Variants in PLAAT2 observed in about 807,000 individuals in gnomAD.
PLAAT2 encodes the protein HRAS like suppressor 2.
PLAAT2 carries 12 observed loss-of-function variants against 12.8 expected under a neutral mutation model. The observed-to-expected ratio is 0.94, with a 90% CI of 0.60 to 1.52. The LOEUF is 1.52. PLAAT2 is among the 40% of genes most tolerant of loss of function. The pLI, the probability that PLAAT2 is intolerant of heterozygous loss-of-function variation, is 0.00. For missense variants in PLAAT2, 166 were observed against 208.1 expected, an observed-to-expected ratio of 0.80 and a Z score of 1.24; for synonymous variants, 79 against 86.8, an observed-to-expected ratio of 0.91 and a Z score of 0.50.
intron 3 of PLAAT2, among the ~76,000 whole-genome samples, chr11:63,555,531 GA>G (rs1186638451): frequency 1.3e-5 from 2 of 152,072 alleles, no homozygotes; most frequent in East Asian, 3.9e-4. Flanking sequence ...CTACAAAAAA[GA>G]AATACAAAAA....
chr11:63,558,776 C>T, intron 2 of PLAAT2, 116 bp from the exon 3 acceptor site: 1 of 1,271,938 alleles, frequency 7.9e-7, no homozygotes, highest in South Asian at 1.4e-5. Context: ...AGGACTTGTC[C>T]ATCCTGCCTG....
rs1451348406 is a variant in PLAAT2 at position 63,553,051 on chromosome 11, G to A, written c.402C>T (p.Val134=). The A allele has an allele frequency of 5.6e-6, 9 of 1,612,750 alleles. No homozygotes were observed. In the East Asian group the frequency reaches 1.8e-4, roughly 32 times the overall value. ...VSRSDQVTGA[V]TTVGVAAGLL... ...GGCCTGCTGCCACACCTACTGTCGT[G>A]ACTGCACCAGTGACCTGCAGCAGAA... The change falls in exon 4 of 4, where the codon GTC becomes GTT. Residue 134 remains valine (V), a synonymous_variant. Coordinates refer to ENST00000255695, the MANE Select transcript of PLAAT2 (RefSeq NM_017878.2).
chr11:63,562,967 G>C (rs2017531523), intron 1 of PLAAT2, among the ~76,000 whole-genome samples: 1 of 152,212 alleles, frequency 6.6e-6, no homozygotes, highest in South Asian at 2.1e-4. Context: ...GGCGGCCTGT[G>C]GGGTAAACCA....
upstream of PLAAT2, among the ~76,000 whole-genome samples, chr11:63,563,829 C>A (rs1371988564): frequency 1.3e-5 from 2 of 151,716 alleles, no homozygotes; most frequent in Non-Finnish European, 2.9e-5. Context: ...TGAAAATCAG[C>A]CAGACAGAAG....
At chr11:63,555,228 G>T (rs1002936189) in intron 3 of PLAAT2, among the ~76,000 whole-genome samples, 2 of 152,260 alleles carry the variant, frequency 1.3e-5, no homozygotes, top group African/African-American at 2.4e-5. Flanking sequence ...CTTGAGGAAG[G>T]CACTTCAGAG....
Position 63,558,549 on chromosome 11 carries a change from T to C in PLAAT2, c.230A>G (p.Asn77Ser). 1.2e-6 allele frequency: 2 copies of C among 1,614,272 alleles called. No individual in the cohort carries two copies. Among genetic ancestry groups the C allele is most frequent in the African/African-American group, 2.7e-5 (2 of 75,076 alleles). The change falls in exon 3 of 4, where the codon AAT (asparagine) becomes AGT (serine). Residue 77 changes from asparagine to serine, a missense_variant. Transcript: ENST00000255695. ...VVAGGDNYRV[N>S]NKHDDRYTPL... is the part of the protein sequence containing the mutation. ...TGTGTATCTGTCATCGTGCTTGTTA[T>C]TGACCCTGTAGTTGTCTCCCCCAGC... is the stretch of plus-strand genomic sequence containing the variant.
rs544591129 is a variant in PLAAT2 at position 63,552,966 on chromosome 11, A to G, written c.487T>C (p.Ter163GlnextTer27). 3.7e-6 allele frequency: 6 copies of G among 1,610,616 alleles called. No individual in the cohort carries two copies. The highest frequency in any genetic ancestry group is 2.7e-5 in the African/African-American group (2 of 74,974). Residue 163 changes from the stop codon to glutamine, a stop_lost, in exon 4 of 4, where the codon TAA becomes CAA. Coordinates refer to ENST00000255695, the MANE Select transcript of PLAAT2 (RefSeq NM_017878.2). ...GTTGTTGGGACAATTTCTTGGATTT[A>G]TTGCCTTTCCCGCTTGCTTCTGGCC... ...LLARSKRERQ[*>Q]
upstream of PLAAT2, among the ~76,000 whole-genome samples, chr11:63,564,133 C>G (rs1271503311): frequency 6.6e-6 from 1 of 152,190 alleles, no homozygotes; most frequent in Non-Finnish European, 1.5e-5. Flanking sequence ...AGGCACATTC[C>G]TCTACCCTGG....
At position 63,552,917 on chromosome 11, in the gene PLAAT2, A is replaced by C. The variant is rs1176787180; in HGVS notation, c.*47T>G. The stretch of plus-strand genomic sequence containing the variant: ...CAAACTCCACTCCTGCTGGCTAAAT[A>C]ATATTCCTCCGTAAGAATTGGTGGT... On this transcript the variant is annotated 3_prime_UTR_variant, in exon 4 of 4. Coordinates refer to ENST00000255695, the MANE Select transcript of PLAAT2 (RefSeq NM_017878.2). The C allele has an allele frequency of 1.6e-6, 2 of 1,288,482 alleles. No homozygotes were observed. Among genetic ancestry groups the C allele is most frequent in the Non-Finnish European group, 2.3e-6 (2 of 884,608 alleles). 79.8% of individuals were successfully genotyped at this position (1,288,482 alleles called of 1,614,324 possible). A position where few individuals can be genotyped will look rare whatever the true frequency, so the allele number is the denominator to read the frequency against.
In PLAAT2 at chr11:63,558,611, G is replaced by A. The variant is rs780851431; in HGVS notation, c.168C>T (p.Asn56=). The A allele has an allele frequency of 1.9e-6, 3 of 1,614,226 alleles. No homozygotes were observed. The highest frequency in any genetic ancestry group is 1.1e-5 in the South Asian group (1 of 91,090). The change falls in exon 3 of 4, where the codon AAC becomes AAT. Residue 56 remains asparagine, a synonymous_variant. Transcript: ENST00000255695. ...GAASVLSALT[N]KAIVKKELLS... The stretch of plus-strand genomic sequence containing the variant: ...GCAGTTCCTTCTTCACTATGGCTTT[G>A]TTGGTCAGGGCAGACAGGACACTGG...
chr11:63,562,520 T>C (rs1412258324), intron 1 of PLAAT2, among the ~76,000 whole-genome samples: 2 of 152,250 alleles, frequency 1.3e-5, no homozygotes, highest in African/African-American at 4.8e-5. Flanking sequence ...TGGAATTAAA[T>C]ACATTCTTTC....
In PLAAT2 at chr11:63,552,906, G is replaced by T; in HGVS notation, c.*58C>A. ...AATCAGTAAACCAAACTCCACTCCTGCTGGCTAAATAATATTCCTCCGTAA... is the reference window on the plus strand; with the variant it reads ...AATCAGTAAACCAAACTCCACTCCTTCTGGCTAAATAATATTCCTCCGTAA... On this transcript the variant is annotated 3_prime_UTR_variant, in exon 4 of 4. Transcript: ENST00000255695. 1 of 1,182,552 alleles carries T rather than the reference G, an allele frequency of 8.5e-7. No individual in the cohort carries two copies. Among genetic ancestry groups the T allele is most frequent in the Non-Finnish European group, 1.3e-6 (1 of 790,036 alleles). The allele number at this position is 1,182,552 out of a possible 1,614,324, so 73.3% of individuals were successfully genotyped here. A position where few individuals can be genotyped will look rare whatever the true frequency, so the allele number is the denominator to read the frequency against.
chr11:63,559,454 G>C (rs902601913), intron 2 of PLAAT2, among the ~76,000 whole-genome samples: 2 of 152,060 alleles, frequency 1.3e-5, no homozygotes, highest in African/African-American at 4.8e-5. Flanking sequence ...CCCAGGTCCT[G>C]GCCGTGGCTC....
rs756449411 is a variant in PLAAT2 at position 63,558,459 on chromosome 11, G to A, written c.320C>T (p.Ser107Leu). 5.0e-6 allele frequency: 8 copies of A among 1,614,086 alleles called. No individual in the cohort carries two copies. Among genetic ancestry groups the A allele is most frequent in the East Asian group, 2.2e-5 (1 of 44,894 alleles). The change falls in exon 3 of 4, where the codon TCG becomes TTG. Residue 107 changes from serine to leucine, a missense_variant. Transcript: ENST00000255695. ...GTGCTCGCAGTTGTCACTGGTCAGC[G>A]AATAAGGCAACTCCTGCCCCACCAA... is the stretch of plus-strand genomic sequence containing the variant. ...EELVGQELPY[S>L]LTSDNCEHFV...
At chr11:63,553,415 C>T (rs1294903122) in intron 3 of PLAAT2, among the ~76,000 whole-genome samples, 1 of 151,246 alleles carries the variant, frequency 6.6e-6, no homozygotes, top group Non-Finnish European at 1.5e-5. Context: ...TGAGATGGGC[C>T]GATTGCTTGA....
chr11:63,563,715 C>CAAAAA (rs35852892), upstream of PLAAT2, among the ~76,000 whole-genome samples: 893 of 55,918 alleles, frequency 0.016, 38 homozygotes, highest in Admixed American at 0.078. Flanking sequence ...GAGACTCAGT[C>CAAAAA]AAAAAAAAAA....
At chr11:63,558,197 C>A (rs1464521413) in intron 3 of PLAAT2, among the ~76,000 whole-genome samples, 195 bp downstream of exon 3, 1 of 152,194 alleles carries the variant, frequency 6.6e-6, no homozygotes, top group Non-Finnish European at 1.5e-5. Context: ...CACTGGTCTA[C>A]ATTGCCGACT....
rs1472214933 is a variant in PLAAT2 at position 63,552,915 on chromosome 11, A to G, written c.*49T>C. The G allele has an allele frequency of 7.8e-7, 1 of 1,278,700 alleles. No individual in the cohort carries two copies. The highest frequency in any genetic ancestry group is 1.1e-6 in the Non-Finnish European group (1 of 875,742). 79.2% of individuals were successfully genotyped at this position (1,278,700 alleles called of 1,614,324 possible). On this transcript the variant is annotated 3_prime_UTR_variant, in exon 4 of 4. Transcript: ENST00000255695. ...ACCAAACTCCACTCCTGCTGGCTAA[A>G]TAATATTCCTCCGTAAGAATTGGTG...
chr11:63,564,891 T>A (rs2017549680), upstream of PLAAT2, among the ~76,000 whole-genome samples: 1 of 152,118 alleles, frequency 6.6e-6, no homozygotes, highest in Non-Finnish European at 1.5e-5. Flanking sequence ...GCTGAAAGGA[T>A]CTCAGGTGGG....
Sources: allele counts gnomAD v4.1 joint callset (sites outside exome capture counted in the v4.1 genomes callset), GRCh38; gene constraint gnomAD v4.1.1; transcripts MANE v1.5; gene names NCBI Gene and HGNC (gene_info 2026-07-23, HGNC 2026-07-21).